Variants in ZNF106 observed in about 807,000 individuals in gnomAD.
ZNF106 encodes the protein zinc finger protein 106.
A neutral mutation model predicts 195.1 loss-of-function variants in ZNF106; 67 were observed. The ratio of observed to expected loss-of-function variants is 0.34; its 90% CI spans 0.28 to 0.42. The LOEUF is 0.42. ZNF106 is among the 10% of genes least tolerant of loss of function. The pLI, the probability that ZNF106 is intolerant of heterozygous loss-of-function variation, is 1.00. For missense variants in ZNF106, 2,118 were observed against 2,304.5 expected (o/e 0.92, Z 1.66); for synonymous variants, 784 against 818.6 (o/e 0.96, Z 0.72).
At chr15:42,478,310 C>T (rs778488223) in intron 1 of ZNF106, among the ~76,000 whole-genome samples, 1 of 151,906 alleles carries the variant, frequency 6.6e-6, no homozygotes, top group African/African-American at 2.4e-5. Context: ...ACTACAGGCA[C>T]CCGCCACCAT....
At chr15:42,420,338 G>A (rs1275148835) in intron 20 of ZNF106, among the ~76,000 whole-genome samples, 1 of 151,966 alleles carries the variant, frequency 6.6e-6, no homozygotes, top group Non-Finnish European at 1.5e-5. Flanking sequence ...TAGTCACTTA[G>A]CCCTCTTGAT....
chr15:42,423,904 G>C (rs1234893988), intron 17 of ZNF106, 94 bp downstream of exon 17: 3 of 1,181,966 alleles, frequency 2.5e-6, no homozygotes, highest in African/African-American at 3.1e-5. Context: ...GTGGATAAAG[G>C]GCTTAATTTA....
chr15:42,438,790 T>C, intron 11 of ZNF106, 123 bp from the exon 12 acceptor site: 12 of 944,226 alleles, frequency 1.3e-5, no homozygotes, highest in Admixed American at 2.8e-5. Context: ...TATAAGAGAT[T>C]AGATTTTCCA....
intron 18 of ZNF106, 139 bp downstream of exon 18, chr15:42,422,362 G>T: frequency 8.5e-7 from 1 of 1,176,562 alleles, no homozygotes; most frequent in Non-Finnish European, 1.2e-6. Context: ...CAGGCCAGCT[G>T]TTTCATAATT....
chr15:42,474,659 G>T (rs1047796422), intron 1 of ZNF106, among the ~76,000 whole-genome samples: 1 of 152,146 alleles, frequency 6.6e-6, no homozygotes, highest in Admixed American at 6.6e-5. Context: ...GCACAGCAAG[G>T]AGGATTCCTT....
At chr15:42,453,596 ATTTT>A (rs781562351) in intron 4 of ZNF106, among the ~76,000 whole-genome samples, 1 of 139,790 alleles carries the variant, frequency 7.2e-6, no homozygotes. Context: ...TGAGGCAAGT[ATTTT>A]TTTTTTTTTT....
intron 10 of ZNF106, chr15:42,441,837 C>A: frequency 2.9e-6 from 1 of 349,348 alleles, no homozygotes; most frequent in Non-Finnish European, 5.1e-6. Flanking sequence ...GGTGCTAATA[C>A]AAAGTCAACT....
At chr15:42,424,616 G>A (rs1566996222) in intron 16 of ZNF106, 2 of 496,320 alleles carry the variant, frequency 4.0e-6, no homozygotes, top group East Asian at 3.5e-5. Flanking sequence ...CTCATAAGTA[G>A]TACAGGTGCA....
intron 14 of ZNF106, among the ~76,000 whole-genome samples, chr15:42,428,633 A>G (rs1230882154): frequency 6.6e-6 from 1 of 152,226 alleles, no homozygotes. Flanking sequence ...TTTAAAATAC[A>G]TAGAACCCAA....
Position 42,442,190 on chromosome 15 carries a change from G to C in ZNF106, c.3646C>G (p.Pro1216Ala), listed in dbSNP as rs752888546. The C allele has an allele frequency of 1.1e-5, 18 of 1,614,166 alleles. No homozygotes were observed. Among genetic ancestry groups the C allele is most frequent in the Non-Finnish European group, 1.4e-5 (17 of 1,179,998 alleles). ...TFQTHGSVPA[P>A]DSSVQIKQEP... is the part of the protein sequence containing the mutation. Reference sequence around the variant, plus strand: ...TGTTTAATCTGAACTGATGAGTCTGGAGCAGGGACACTGCCATGGGTTTGG... The same window carrying C: ...TGTTTAATCTGAACTGATGAGTCTGCAGCAGGGACACTGCCATGGGTTTGG... Residue 1216 changes from proline (P) to alanine (A), a missense_variant, in exon 10 of 22, where the codon CCA becomes GCA. Pro to Ala is a conservative substitution (Grantham distance 27). Transcript: ENST00000564754.
At position 42,450,156 on chromosome 15, in the gene ZNF106, T is replaced by C. The variant is rs778924328; in HGVS notation, c.2116A>G (p.Ile706Val). Reference protein sequence around the residue: ...SLEDAQVDDSIKSHVSYETEG... With the variant: ...SLEDAQVDDSVKSHVSYETEG... ...GTTTCATAAGATACATGAGATTTAA[T>C]AGAGTCATCAACCTGTGCATCTTCT... is the stretch of plus-strand genomic sequence containing the variant. Residue 706 changes from isoleucine (I) to valine (V), a missense_variant, in exon 5 of 22, where the codon ATT becomes GTT. By Grantham distance (29) the Ile-to-Val change is conservative (BLOSUM62 3). Coordinates refer to ENST00000564754, the MANE Select transcript of ZNF106 (RefSeq NM_001366845.3). 6 of 1,614,196 alleles carry C rather than the reference T, an allele frequency of 3.7e-6. No individual in the cohort carries two copies. Among genetic ancestry groups the C allele is most frequent in the African/African-American group, 2.7e-5 (2 of 75,060 alleles).
chr15:42,482,531 T>G (rs1171899066), intron 1 of ZNF106, among the ~76,000 whole-genome samples: 1 of 138,266 alleles, frequency 7.2e-6, no homozygotes, highest in Non-Finnish European at 1.6e-5. Context: ...AGTTTTTTTT[T>G]TTTTTTTTTT....
intron 10 of ZNF106, 127 bp downstream of exon 10, chr15:42,441,946 T>G: frequency 1.5e-6 from 1 of 654,924 alleles, no homozygotes; most frequent in Non-Finnish European, 2.6e-6. Context: ...TGAAGAGAAT[T>G]CCAGTGACAA....
intron 1 of ZNF106, among the ~76,000 whole-genome samples, chr15:42,473,164 T>C (rs910439565): frequency 1.3e-5 from 2 of 152,192 alleles, no homozygotes; most frequent in Admixed American, 1.3e-4. Context: ...GCAGTTTAGA[T>C]TTGGAATGTT....
intron 1 of ZNF106, among the ~76,000 whole-genome samples, chr15:42,487,728 C>T (rs969205956): frequency 4.6e-5 from 7 of 152,150 alleles, no homozygotes; most frequent in Middle Eastern, 6.8e-3. Flanking sequence ...CACTACCATC[C>T]GTCTCCATAA....
intron 14 of ZNF106, 142 bp downstream of exon 14, chr15:42,435,242 A>T: frequency 8.7e-7 from 1 of 1,155,390 alleles, no homozygotes; most frequent in Non-Finnish European, 1.2e-6. Flanking sequence ...ACCTAGGGCT[A>T]CAACAATGTG....
At position 42,457,000 on chromosome 15, in the gene ZNF106, T is replaced by C; in HGVS notation, c.275A>G (p.Lys92Arg). 1.9e-6 allele frequency: 3 copies of C among 1,612,070 alleles called. No homozygotes were observed. The highest frequency in any genetic ancestry group is 2.5e-6 in the Non-Finnish European group (3 of 1,178,754). Residue 92 changes from lysine (K) to arginine (R), a missense_variant, in exon 4 of 22, where the codon AAG becomes AGG. Coordinates refer to ENST00000564754, the MANE Select transcript of ZNF106 (RefSeq NM_001366845.3). ...TTGTTTTATTAACTGAATGAGTTCCTTGTCAAAATAATCTTCTTCCTCTTC... is the reference window on the plus strand; with the variant it reads ...TTGTTTTATTAACTGAATGAGTTCCCTGTCAAAATAATCTTCTTCCTCTTC... ...GEEEEEDYFDKELIQLIKQRK... is the reference protein window; with the variant it reads ...GEEEEEDYFDRELIQLIKQRK...
Position 42,416,507 on chromosome 15 carries a change from A to T in ZNF106, c.*797T>A, listed in dbSNP as rs1371964354. 6.6e-6 allele frequency: 1 copy of T among 152,364 alleles called. No individual in the cohort carries two copies. Among genetic ancestry groups the T allele is most frequent in the Non-Finnish European group, 1.5e-5 (1 of 68,144 alleles). 9.4% of individuals were successfully genotyped at this position (152,364 alleles called of 1,614,324 possible). ...GATAAAGGTACACCTCCAGTTCAACAGCCTGACAGGATCTGTAACAGGTAG... is the reference window on the plus strand; with the variant it reads ...GATAAAGGTACACCTCCAGTTCAACTGCCTGACAGGATCTGTAACAGGTAG... On this transcript the variant is annotated 3_prime_UTR_variant, in exon 22 of 22. Coordinates refer to ENST00000564754, the MANE Select transcript of ZNF106 (RefSeq NM_001366845.3).
intron 1 of ZNF106, among the ~76,000 whole-genome samples, chr15:42,480,483 T>C (rs1296518724): frequency 1.3e-5 from 2 of 152,274 alleles, no homozygotes; most frequent in African/African-American, 2.4e-5. Flanking sequence ...GTTATTAATA[T>C]AGTTGAATTA....
Sources: allele counts gnomAD v4.1 joint callset (sites outside exome capture counted in the v4.1 genomes callset), GRCh38; gene constraint gnomAD v4.1.1; transcripts MANE v1.5; gene names NCBI Gene and HGNC (gene_info 2026-07-23, HGNC 2026-07-21).